Variants in ADCY2 observed in about 807,000 individuals in gnomAD.
The protein encoded by ADCY2 is adenylate cyclase type 2.
Under a neutral mutation model 125.2 loss-of-function variants are expected in ADCY2, and 31 were observed. That is an observed-to-expected ratio of 0.25 (90% CI 0.19 to 0.33). The LOEUF (loss-of-function observed/expected upper bound fraction) is 0.33, where lower values mean the gene tolerates loss of function less well. Ranked by LOEUF, ADCY2 falls within the 10% of genes least tolerant of loss-of-function variation. The pLI is 1.00. For missense variants in ADCY2, 904 were observed against 1,418.2 expected (o/e 0.64, Z 5.82); for synonymous variants, 512 against 548.4 (o/e 0.93, Z 0.93).
intron 15 of ADCY2, among the ~76,000 whole-genome samples, chr5:7,746,545 G>A (rs1177578609): frequency 1.3e-5 from 2 of 152,164 alleles, no homozygotes; most frequent in African/African-American, 2.4e-5. Context: ...CAAATATTCC[G>A]CAGTGGTCGT....
At position 7,786,567 on chromosome 5, in the gene ADCY2, T is replaced by G. The variant is rs192803562; in HGVS notation, c.2469+2118T>G. ...TATTGCTTTAGGTATCTAAGTAGCC[T>G]TGATGAAAACATAACACATCTCTTG... On this transcript the variant is annotated intron_variant, in intron 19 of 24. Transcript: ENST00000338316. 4.2e-4 allele frequency among the ~76,000 whole-genome samples: 64 copies of G among 152,362 alleles called. 1 individual carries two copies. Among genetic ancestry groups the G allele is most frequent in the African/African-American group, 1.5e-3 (61 of 41,594 alleles).
intron 4 of ADCY2, among the ~76,000 whole-genome samples, chr5:7,658,422 T>C (rs1168505008): frequency 7.0e-6 from 1 of 142,990 alleles, no homozygotes; most frequent in Non-Finnish European, 1.6e-5. Context: ...TGTGTGTGTG[T>C]GTGTGTGTGT....
intron 15 of ADCY2, among the ~76,000 whole-genome samples, chr5:7,748,630 G>T (rs1312186342): frequency 6.6e-6 from 1 of 151,756 alleles, no homozygotes; most frequent in African/African-American, 2.4e-5. Flanking sequence ...GTAGAATCAG[G>T]AATGCAATGA....
At chr5:7,731,773 T>C (rs1560918132) in intron 14 of ADCY2, among the ~76,000 whole-genome samples, 1 of 151,950 alleles carries the variant, frequency 6.6e-6, no homozygotes, top group Non-Finnish European at 1.5e-5. Context: ...CAGCTAATTT[T>C]TGTATTTTTA....
At chr5:7,571,859 A>G (rs965231556) in intron 3 of ADCY2, among the ~76,000 whole-genome samples, 2 of 152,138 alleles carry the variant, frequency 1.3e-5, no homozygotes, top group African/African-American at 2.4e-5. Flanking sequence ...CTCATCATGT[A>G]GCTCCTACTT....
chr5:7,574,116 T>C, intron 3 of ADCY2, among the ~76,000 whole-genome samples: 3 of 110,958 alleles, frequency 2.7e-5, no homozygotes, highest in Non-Finnish European at 6.4e-5. Context: ...CTGCATAGTA[T>C]TCCATGGTGT....
intron 2 of ADCY2, among the ~76,000 whole-genome samples, chr5:7,453,799 T>C (rs1741563572): frequency 2.0e-5 from 3 of 152,074 alleles, no homozygotes; most frequent in Admixed American, 6.6e-5. Flanking sequence ...GAGGGGAGCA[T>C]GCAGAGTGTG....
intron 2 of ADCY2, among the ~76,000 whole-genome samples, chr5:7,494,307 T>C (rs1029335028): frequency 2.6e-5 from 4 of 152,060 alleles, no homozygotes; most frequent in African/African-American, 9.7e-5. Flanking sequence ...CACTCCCTGC[T>C]TGGAACCCTT....
At chr5:7,472,765 C>T (rs1742386529) in intron 2 of ADCY2, among the ~76,000 whole-genome samples, 1 of 152,054 alleles carries the variant, frequency 6.6e-6, no homozygotes, top group African/African-American at 2.4e-5. Context: ...TTCAGTACAC[C>T]ACATTCTCTA....
chr5:7,519,352 C>T (rs1216763725), intron 2 of ADCY2, among the ~76,000 whole-genome samples: 2 of 152,208 alleles, frequency 1.3e-5, no homozygotes, highest in African/African-American at 2.4e-5. Context: ...CGTGATTGCA[C>T]CACGTCCTTC....
intron 3 of ADCY2, among the ~76,000 whole-genome samples, chr5:7,552,474 A>G (rs139282364): frequency 1.9e-3 from 283 of 152,290 alleles, no homozygotes; most frequent in African/African-American, 6.3e-3. Flanking sequence ...AATCATCCAC[A>G]TACTGTATTT....
intron 2 of ADCY2, among the ~76,000 whole-genome samples, chr5:7,419,754 A>G (rs1244810981): frequency 6.6e-6 from 1 of 152,166 alleles, no homozygotes; most frequent in Non-Finnish European, 1.5e-5. Context: ...CAGACCTCAT[A>G]TAAGGTTAAC....
intron 18 of ADCY2, 28 bp from the exon 19 acceptor site, chr5:7,784,337 G>C (rs1744017059): frequency 2.6e-6 from 4 of 1,544,236 alleles, no homozygotes; most frequent in Non-Finnish European, 3.6e-6. Flanking sequence ...TTGCATTGTT[G>C]TCTGTTTGTC....
rs201876456 is a variant in ADCY2 at position 7,772,927 on chromosome 5, T to C, written c.2215-5T>C. On this transcript the variant is annotated splice_polypyrimidine_tract_variant and splice_region_variant and intron_variant, in intron 17 of 24. Transcript: ENST00000338316. ...GTATCTGTCTGGTGTCCTTCCCTGT[T>C]TCAGTACTTTATCTACAGCTGCATT... is the stretch of plus-strand genomic sequence containing the variant. 28 of 1,613,826 alleles carry C rather than the reference T, an allele frequency of 1.7e-5. No individual in the cohort carries two copies. Among genetic ancestry groups the C allele is most frequent in the Non-Finnish European group, 2.0e-5 (24 of 1,179,786 alleles).
chr5:7,518,902 G>A (rs768587565), intron 2 of ADCY2, among the ~76,000 whole-genome samples: 10 of 152,126 alleles, frequency 6.6e-5, no homozygotes, highest in Non-Finnish European at 1.3e-4. Context: ...CTGAGAGCTG[G>A]GGCTCTGTCC....
At chr5:7,749,343 A>T (rs962603585) in intron 15 of ADCY2, among the ~76,000 whole-genome samples, 2 of 152,218 alleles carry the variant, frequency 1.3e-5, no homozygotes, top group African/African-American at 2.4e-5. Flanking sequence ...TCAGTATTAT[A>T]ATAATACTTT....
At position 7,425,993 on chromosome 5, in the gene ADCY2, C is replaced by T. The variant is rs185860132; in HGVS notation, c.408+11223C>T. Among the ~76,000 whole-genome samples, 352 of 152,292 alleles carry T rather than the reference C, an allele frequency of 2.3e-3. 3 individuals are homozygous for T. Among genetic ancestry groups the T allele is most frequent in the Admixed American group, 3.7e-3 (57 of 15,300 alleles). On this transcript the variant is annotated intron_variant, in intron 2 of 24. Transcript: ENST00000338316. ...CCCAGCCTTTGTGTCATCTTGCTCACAACTGGTATTCCCAACCCCCAGGCG... is the reference window on the plus strand; with the variant it reads ...CCCAGCCTTTGTGTCATCTTGCTCATAACTGGTATTCCCAACCCCCAGGCG...
chr5:7,540,606 C>T (rs919189115), intron 3 of ADCY2, among the ~76,000 whole-genome samples: 3 of 152,174 alleles, frequency 2.0e-5, no homozygotes, highest in African/African-American at 7.2e-5. Flanking sequence ...TTTCAGCTTG[C>T]AGGGGACTGT....
chr5:7,578,107 G>C (rs1450242860), intron 3 of ADCY2, among the ~76,000 whole-genome samples: 1 of 152,186 alleles, frequency 6.6e-6, no homozygotes, highest in Non-Finnish European at 1.5e-5. Flanking sequence ...CAGACTGAAG[G>C]CTCCTTGCTG....
Sources: gnomAD v4.1 joint callset for allele counts (sites outside exome capture counted in the v4.1 genomes callset) on GRCh38, gnomAD v4.1.1 for gene constraint, MANE v1.5 for transcripts, NCBI Gene and HGNC (gene_info 2026-07-23, HGNC 2026-07-21) for gene names.